ITGA11: variants seen among roughly 807,000 people sequenced by gnomAD.
The protein encoded by ITGA11 is integrin subunit alpha 11.
In ITGA11, 97 loss-of-function variants were observed where a neutral mutation model predicts 141.9. The ratio of observed to expected loss-of-function variants is 0.68; its 90% CI spans 0.58 to 0.81. The LOEUF (loss-of-function observed/expected upper bound fraction) is 0.81, where lower values mean the gene tolerates loss of function less well. Ranked by LOEUF, ITGA11 falls within the 30% of genes least tolerant of loss-of-function variation. The pLI is 0.00. For missense variants in ITGA11, 1,387 were observed against 1,559.2 expected (o/e 0.89, Z 1.86); for synonymous variants, 658 against 624.6 (o/e 1.05, Z -0.80).
intron 5 of ITGA11, among the ~76,000 whole-genome samples, chr15:68,359,509 C>T (rs1024844426): frequency 5.9e-5 from 9 of 151,914 alleles, no homozygotes; most frequent in African/African-American, 1.2e-4. Context: ...AGCCAGGAGT[C>T]GTGATGCACA....
chr15:68,402,846 C>T (rs1448778097), intron 2 of ITGA11, 72 bp downstream of exon 2: 1 of 1,045,466 alleles, frequency 9.6e-7, no homozygotes, highest in African/African-American at 1.6e-5. Context: ...AGCCACAGGG[C>T]ACAGGGGCAG....
At position 68,301,247 on chromosome 15, in the gene ITGA11, T is replaced by G. The variant is rs1044185033; in HGVS notation, c.*1812A>C. Reference sequence around the variant, plus strand: ...TCCTGGTTCTGAGTGTCCTCATTTATGCAAAAACAAGATCAAATTATTTCC... The same window carrying G: ...TCCTGGTTCTGAGTGTCCTCATTTAGGCAAAAACAAGATCAAATTATTTCC... On this transcript the variant is annotated 3_prime_UTR_variant, in exon 30 of 30. Coordinates refer to ENST00000315757, the MANE Select transcript of ITGA11 (RefSeq NM_001004439.2). The surrounding 1 kb of genome is among the most constrained non-coding windows in gnomAD (Gnocchi z 4.4). The G allele has an allele frequency of 6.6e-6, 1 of 152,232 alleles. No homozygotes were observed. The highest frequency in any genetic ancestry group is 1.5e-5 in the Non-Finnish European group (1 of 68,048). The allele number at this position is 152,232 out of a possible 1,614,324, so 9.4% of individuals were successfully genotyped here.
At chr15:68,361,154 G>A (rs897160782) in intron 5 of ITGA11, among the ~76,000 whole-genome samples, 1 of 152,172 alleles carries the variant, frequency 6.6e-6, no homozygotes, top group Non-Finnish European at 1.5e-5. Context: ...CTACTACCAA[G>A]GAGATTTCTG....
At chr15:68,392,976 A>G (rs1041089221) in intron 2 of ITGA11, among the ~76,000 whole-genome samples, 1 of 152,234 alleles carries the variant, frequency 6.6e-6, no homozygotes, top group Non-Finnish European at 1.5e-5. Context: ...AATGTGTTAA[A>G]GAAAATAGAA....
At chr15:68,373,860 G>C (rs1251895362) in intron 2 of ITGA11, among the ~76,000 whole-genome samples, 1 of 152,178 alleles carries the variant, frequency 6.6e-6, no homozygotes, top group Non-Finnish European at 1.5e-5. Flanking sequence ...GAAGCATGAA[G>C]AGAAGGAGCT....
intron 26 of ITGA11, among the ~76,000 whole-genome samples, chr15:68,309,969 T>C (rs745981632): frequency 1.3e-5 from 2 of 152,130 alleles, no homozygotes; most frequent in African/African-American, 2.4e-5. Context: ...TTTTTTAAGA[T>C]TAGCAAACCA....
intron 1 of ITGA11, among the ~76,000 whole-genome samples, chr15:68,425,874 C>G (rs1294498534): frequency 6.6e-6 from 1 of 152,240 alleles, no homozygotes; most frequent in African/African-American, 2.4e-5. Flanking sequence ...GCAGGAACCC[C>G]TTCTCTGTGT....
chr15:68,306,002 C>T (rs1297095623), intron 28 of ITGA11, among the ~76,000 whole-genome samples: 2 of 145,076 alleles, frequency 1.4e-5, no homozygotes, highest in African/African-American at 2.6e-5. Flanking sequence ...CTGGCTAACA[C>T]AGTGAAACCC....
intron 7 of ITGA11, among the ~76,000 whole-genome samples, chr15:68,351,764 C>T (rs918278601): frequency 2.6e-5 from 4 of 151,924 alleles, no homozygotes; most frequent in Non-Finnish European, 4.4e-5. Context: ...CCCAGCTGCT[C>T]ACTGACATCT....
At chr15:68,362,591 GTAGA>G (rs763617682) in intron 4 of ITGA11, among the ~76,000 whole-genome samples, 11 of 152,208 alleles carry the variant, frequency 7.2e-5, no homozygotes, top group Middle Eastern at 3.4e-3. Flanking sequence ...TAAGTGGGTG[GTAGA>G]TGGATGGATG....
Position 68,303,038 on chromosome 15 carries a change from C to T in ITGA11, c.*21G>A. The T allele has an allele frequency of 6.5e-7, 1 of 1,544,262 alleles. No individual in the cohort carries two copies. The highest frequency in any genetic ancestry group is 8.7e-7 in the Non-Finnish European group (1 of 1,143,046). The stretch of plus-strand genomic sequence containing the variant: ...GGACTGGTGTCCTGGCCCCCATCAA[C>T]TCAAAGTCTCCTCTGGAGCCTCACT... On this transcript the variant is annotated 3_prime_UTR_variant, in exon 30 of 30. Transcript: ENST00000315757. This position sits in a 1 kb window ranked among gnomAD's most constrained non-coding sequence, Gnocchi z 5.3.
chr15:68,323,461 G>A (rs965712652), intron 18 of ITGA11, among the ~76,000 whole-genome samples: 17 of 152,162 alleles, frequency 1.1e-4, no homozygotes, highest in African/African-American at 3.9e-4. Flanking sequence ...ATATGGGATG[G>A]CTCACTTCCC....
intron 10 of ITGA11, chr15:68,340,714 A>C (rs1894538752): frequency 6.6e-6 from 1 of 152,208 alleles, no homozygotes; most frequent in South Asian, 2.1e-4. Flanking sequence ...TACTGACCCC[A>C]TGGCCCTTTC....
intron 1 of ITGA11, among the ~76,000 whole-genome samples, chr15:68,425,645 T>G (rs1191829090): frequency 6.6e-6 from 1 of 152,220 alleles, no homozygotes; most frequent in Non-Finnish European, 1.5e-5. Context: ...TGGCCCGGCC[T>G]GACTGACAGA....
At chr15:68,306,889 G>C (rs1321486370) in intron 28 of ITGA11, among the ~76,000 whole-genome samples, 1 of 152,194 alleles carries the variant, frequency 6.6e-6, no homozygotes, top group Admixed American at 6.5e-5. Flanking sequence ...CCACAGGACT[G>C]GGCTTTGCTT....
At position 68,308,990 on chromosome 15, in the gene ITGA11, C is replaced by T. The variant is rs138278439; in HGVS notation, c.3175-1294G>A. Among the ~76,000 whole-genome samples the T allele has an allele frequency of 4.3e-4, 65 of 152,344 alleles. 1 individual carries two copies. Among genetic ancestry groups the T allele is most frequent in the Admixed American group, 1.8e-3 (27 of 15,304 alleles). On this transcript the variant is annotated intron_variant, in intron 26 of 29. Coordinates refer to ENST00000315757, the MANE Select transcript of ITGA11 (RefSeq NM_001004439.2). This position sits in a 1 kb window ranked among gnomAD's most constrained non-coding sequence, Gnocchi z 5.2. Reference sequence around the variant, plus strand: ...AAAGTTGAGCAAAATTTCCGCTTGACGGGTGCCCAATCTGTTGCACCCAGA... The same window carrying T: ...AAAGTTGAGCAAAATTTCCGCTTGATGGGTGCCCAATCTGTTGCACCCAGA...
intron 1 of ITGA11, among the ~76,000 whole-genome samples, chr15:68,417,376 G>T (rs1488636942): frequency 2.0e-5 from 3 of 152,072 alleles, no homozygotes; most frequent in Non-Finnish European, 4.4e-5. Context: ...GCAAGTTCTA[G>T]CCCTCCATTC....
intron 2 of ITGA11, among the ~76,000 whole-genome samples, chr15:68,385,686 G>C (rs898755581): frequency 2.0e-5 from 3 of 152,154 alleles, no homozygotes; most frequent in Non-Finnish European, 2.9e-5. Context: ...GGTAGTTTTC[G>C]CCTAAGTGCT....
In ITGA11 at chr15:68,328,566, A is replaced by T. The variant is rs1325181799; in HGVS notation, c.1902-304T>A. On this transcript the variant is annotated intron_variant, in intron 15 of 29. Transcript: ENST00000315757. This position sits in a 1 kb window ranked among gnomAD's most constrained non-coding sequence, Gnocchi z 4.8. ...GCTGACTTCCCTTTGCTCCCTCATC[A>T]TCTTTTATAGCAGTGGTTCCCCACC... 6.6e-6 allele frequency among the ~76,000 whole-genome samples: 1 copy of T among 152,090 alleles called. No homozygotes were observed. Among genetic ancestry groups the T allele is most frequent in the African/African-American group, 2.4e-5 (1 of 41,394 alleles).
Sources: allele counts gnomAD v4.1 joint callset (sites outside exome capture counted in the v4.1 genomes callset), GRCh38; gene constraint gnomAD v4.1.1; non-coding constraint Gnocchi (gnomAD v3.1); transcripts MANE v1.5; gene names NCBI Gene and HGNC (gene_info 2026-07-23, HGNC 2026-07-21).